The following TDRD12 variants were observed in gnomAD, a reference collection of about 807,000 sequenced individuals.
The protein encoded by TDRD12 is putative ATP-dependent RNA helicase TDRD12.
A neutral mutation model predicts 133.5 loss-of-function variants in TDRD12; 158 were observed. That is an observed-to-expected ratio of 1.18 (90% confidence interval 1.04 to 1.35). The LOEUF (loss-of-function observed/expected upper bound fraction) is 1.35, where lower values mean the gene tolerates loss of function less well. Among genes scored for constraint, TDRD12 ranks in the 40% most tolerant of loss-of-function variants. The pLI is 0.00. For synonymous variants in TDRD12, 460 were observed against 477.9 expected, an observed-to-expected ratio of 0.96 and a Z score of 0.49; for missense variants, 1,443 against 1,321.3, an observed-to-expected ratio of 1.09 and a Z score of -1.43.
intron 8 of TDRD12, among the ~76,000 whole-genome samples, chr19:32,763,621 C>G (rs747186462): frequency 6.6e-6 from 1 of 152,196 alleles, no homozygotes; most frequent in Non-Finnish European, 1.5e-5. Context: ...TTCCCCTCTT[C>G]CTGTCGAAGC....
intron 25 of TDRD12, among the ~76,000 whole-genome samples, chr19:32,814,450 A>G (rs555198277): frequency 6.6e-6 from 1 of 152,350 alleles, no homozygotes; most frequent in Admixed American, 6.5e-5. Flanking sequence ...AGGTTGGAAA[A>G]GTTTTAACAT....
At chr19:32,748,598 G>C in intron 5 of TDRD12, 67 bp downstream of exon 5, 1 of 1,483,574 alleles carries the variant, frequency 6.7e-7, no homozygotes, top group Non-Finnish European at 9.1e-7. Flanking sequence ...AGCTTCTGCT[G>C]CTGGCGGGGG....
intron 14 of TDRD12, chr19:32,796,061 A>C: frequency 1.6e-6 from 1 of 638,642 alleles, no homozygotes; most frequent in Non-Finnish European, 1.9e-6. Context: ...GTGGTGGGAA[A>C]GAGAGGAGCG....
rs187114104 is a variant in TDRD12, at chr19:32,790,606, A to G, written c.1182+15A>G. The G allele has an allele frequency of 3.9e-6, 6 of 1,551,394 alleles. No homozygotes were observed. The highest frequency in any genetic ancestry group is 4.4e-6 in the Non-Finnish European group (5 of 1,146,874). On this transcript the variant is annotated intron_variant, in intron 12 of 27. Coordinates refer to ENST00000444215, the Ensembl canonical transcript of TDRD12. ...ATCTCCAGCAGGTATTACAGGCCCT[A>G]AAAAAAGTAAAATAAAAAGAGAGAA...
intron 13 of TDRD12, among the ~76,000 whole-genome samples, chr19:32,794,096 T>C (rs1414673824): frequency 7.1e-5 from 2 of 27,996 alleles, no homozygotes; most frequent in African/African-American, 2.3e-4. Context: ...GCCTGGCTTT[T>C]TTTTTTTTTT....
At chr19:32,755,758 A>G (rs1410524916) in intron 6 of TDRD12, among the ~76,000 whole-genome samples, 1 of 152,186 alleles carries the variant, frequency 6.6e-6, no homozygotes, top group Admixed American at 6.6e-5. Flanking sequence ...TACAGTGCGT[A>G]TGTCCAAGAA....
chr19:32,791,215 AC>A, intron 13 of TDRD12, 147 bp downstream of exon 13: 1 of 851,846 alleles, frequency 1.2e-6, no homozygotes, highest in Non-Finnish European at 1.7e-6. Flanking sequence ...GGCATGAGCC[AC>A]CACACTCGGC....
intron 1 of TDRD12, among the ~76,000 whole-genome samples, chr19:32,723,214 A>G (rs955425802): frequency 1.3e-5 from 2 of 151,968 alleles, no homozygotes; most frequent in African/African-American, 4.8e-5. Context: ...TTTATGCACA[A>G]TACCACACTG....
At chr19:32,805,244 G>A (rs911495541) in intron 21 of TDRD12, among the ~76,000 whole-genome samples, 2 of 148,868 alleles carry the variant, frequency 1.3e-5, no homozygotes, top group African/African-American at 2.5e-5. Flanking sequence ...TAAGCCAGCT[G>A]TGGTGGCACA....
intron 14 of TDRD12, among the ~76,000 whole-genome samples, chr19:32,797,140 C>A (rs1568483978): frequency 6.6e-6 from 1 of 152,040 alleles, no homozygotes; most frequent in East Asian, 1.9e-4. Flanking sequence ...ACTACCACGC[C>A]TGGCTAATTT....
At chr19:32,768,491 C>T (rs551138136) in intron 8 of TDRD12, among the ~76,000 whole-genome samples, 8 of 151,628 alleles carry the variant, frequency 5.3e-5, no homozygotes, top group South Asian at 4.2e-4. Context: ...CTCAGCCTCC[C>T]GAGTTGCAGG....
intron 1 of TDRD12, among the ~76,000 whole-genome samples, chr19:32,723,218 C>T (rs183629453): frequency 6.7e-4 from 102 of 151,902 alleles, no homozygotes; most frequent in African/African-American, 2.4e-3. Flanking sequence ...TGCACAATAC[C>T]ACACTGTCTT....
At chr19:32,741,636 G>C (rs1489031504) in intron 3 of TDRD12, among the ~76,000 whole-genome samples, 1 of 152,186 alleles carries the variant, frequency 6.6e-6, no homozygotes, top group Non-Finnish European at 1.5e-5. Flanking sequence ...ACTTCAGGGG[G>C]CCATGGGTGC....
chr19:32,816,044 C>T (rs1967171001), intron 26 of TDRD12, among the ~76,000 whole-genome samples: 1 of 152,002 alleles, frequency 6.6e-6, no homozygotes, highest in African/African-American at 2.4e-5. Flanking sequence ...TCCATGTACC[C>T]ATCACTCAGT....
At chr19:32,785,689 CTT>C (rs1970887550) in intron 11 of TDRD12, among the ~76,000 whole-genome samples, 1 of 151,754 alleles carries the variant, frequency 6.6e-6, no homozygotes, top group African/African-American at 2.4e-5. Flanking sequence ...TAATGGCCTT[CTT>C]TATGTCTTTT....
In TDRD12 at chr19:32,797,901, C is replaced by A; in HGVS notation, c.1630+10C>A. 1 of 681,670 alleles carries A rather than the reference C, an allele frequency of 1.5e-6. No individual in the cohort carries two copies. The highest frequency in any genetic ancestry group is 2.6e-6 in the Non-Finnish European group (1 of 378,946). 42.2% of individuals were successfully genotyped at this position (681,670 alleles called of 1,614,324 possible). Reference sequence around the variant, plus strand: ...AAGCTTCCAAGGGGCTGTAAGTATCCTTTTCAAGCGGCTATAAAAGTTAAA... The same window carrying A: ...AAGCTTCCAAGGGGCTGTAAGTATCATTTTCAAGCGGCTATAAAAGTTAAA... On this transcript the variant is annotated intron_variant, in intron 15 of 27. Coordinates refer to ENST00000444215, the Ensembl canonical transcript of TDRD12.
intron 4 of TDRD12, among the ~76,000 whole-genome samples, chr19:32,743,475 T>C (rs758521348): frequency 2.4e-4 from 37 of 151,944 alleles, no homozygotes; most frequent in Non-Finnish European, 4.9e-4. Context: ...TTCAAACTTC[T>C]GGGCTTAAGC....
At chr19:32,748,039 A>T (rs1969706574) in intron 4 of TDRD12, among the ~76,000 whole-genome samples, 1 of 152,074 alleles carries the variant, frequency 6.6e-6, no homozygotes, top group East Asian at 1.9e-4. Flanking sequence ...AAACAAAGAT[A>T]GTATCTGGCT....
At chr19:32,819,444 A>T (rs928169883) in intron 27 of TDRD12, among the ~76,000 whole-genome samples, 8 of 152,096 alleles carry the variant, frequency 5.3e-5, no homozygotes, top group African/African-American at 1.7e-4. Context: ...GAAAAAAAAA[A>T]TTTCCCATAC....
Sources: allele counts gnomAD v4.1 joint callset (sites outside exome capture counted in the v4.1 genomes callset), GRCh38; gene constraint gnomAD v4.1.1; transcripts MANE v1.5; gene names NCBI Gene and HGNC (gene_info 2026-07-23, HGNC 2026-07-21).